FILIP1L: variants seen among roughly 807,000 people sequenced by gnomAD.
FILIP1L encodes the protein filamin A-interacting protein 1-like.
A neutral mutation model predicts 96.6 loss-of-function variants in FILIP1L; 55 were observed. The ratio of observed to expected loss-of-function variants is 0.57; its 90% CI spans 0.46 to 0.71. FILIP1L has a LOEUF of 0.71. Ranked by LOEUF, FILIP1L falls within the 30% of genes least tolerant of loss-of-function variation. The probability of loss-of-function intolerance (pLI) is 0.00; values close to 1 mark genes in which losing one functional copy is unlikely to be tolerated. For synonymous variants in FILIP1L, 467 were observed against 473.9 expected (o/e 0.99, Z 0.19); for missense variants, 1,304 against 1,321.2 (o/e 0.99, Z 0.20).
At chr3:100,021,118 T>A (rs907017804) in intron 1 of FILIP1L, among the ~76,000 whole-genome samples, 2 of 152,214 alleles carry the variant, frequency 1.3e-5, no homozygotes, top group Non-Finnish European at 2.9e-5. Flanking sequence ...GCCGGTCAAT[T>A]GCCTAAGACC....
chr3:100,051,419 A>G (rs933467357), intron 1 of FILIP1L: 2 of 151,804 alleles, frequency 1.3e-5, no homozygotes, highest in African/African-American at 2.4e-5. Context: ...GGTTAGTTAC[A>G]TATGTATACA....
chr3:100,071,051 A>C (rs1033816791), intron 1 of FILIP1L, among the ~76,000 whole-genome samples: 1 of 150,770 alleles, frequency 6.6e-6, no homozygotes, highest in Non-Finnish European at 1.5e-5. Context: ...TTTTTTTAAA[A>C]GAAAGGGGTT....
chr3:99,964,681 A>G (rs976815579), intron 1 of FILIP1L, among the ~76,000 whole-genome samples: 11 of 152,150 alleles, frequency 7.2e-5, no homozygotes, highest in African/African-American at 2.7e-4. Flanking sequence ...TATGGCTCAC[A>G]GAGAAGCTGG....
chr3:100,109,661 G>A (rs1392047556), intron 1 of FILIP1L, among the ~76,000 whole-genome samples: 1 of 151,936 alleles, frequency 6.6e-6, no homozygotes, highest in Non-Finnish European at 1.5e-5. Context: ...GTGTTTCATT[G>A]GTATTGCTGA....
intron 4 of FILIP1L, chr3:99,898,414 T>C (rs991524527): frequency 6.6e-6 from 1 of 152,230 alleles, no homozygotes; most frequent in Non-Finnish European, 1.5e-5. Context: ...ATAAAAATTA[T>C]GTTTTGTGGT....
chr3:99,913,204 C>G (rs1283533053), intron 4 of FILIP1L, among the ~76,000 whole-genome samples: 1 of 152,184 alleles, frequency 6.6e-6, no homozygotes, highest in Non-Finnish European at 1.5e-5. Flanking sequence ...TACAAGCCAC[C>G]CAATCTCTGG....
chr3:99,948,596 AAGAGAGGGGAGGGGAAGGGAGAGAGAG>A (rs1708082271), intron 1 of FILIP1L, among the ~76,000 whole-genome samples: 2 of 141,358 alleles, frequency 1.4e-5, no homozygotes, highest in African/African-American at 5.2e-5. Flanking sequence ...GGGAGAGAGA[AAGAGAGGGGAGGGGAAGGGAGAGAGAG>A]AGGAAGGAGG....
rs572318434 is a variant in FILIP1L, at chr3:100,096,063, T to C, written c.-11+17990A>G. Among the ~76,000 whole-genome samples, 4 of 152,220 alleles carry C rather than the reference T, an allele frequency of 2.6e-5. No individual in the cohort carries two copies. The South Asian group carries it at 8.3e-4, about 32-fold the overall frequency. On this transcript the variant is annotated intron_variant, in intron 1 of 5. Coordinates refer to ENST00000477258, the MANE Select transcript of FILIP1L (RefSeq NM_001387850.1). Reference sequence around the variant, plus strand: ...TCATCAGAAAACTGCACATCAAAACTGTAATGAGATATTATCTTACCCCAG... The same window carrying C: ...TCATCAGAAAACTGCACATCAAAACCGTAATGAGATATTATCTTACCCCAG...
intron 1 of FILIP1L, among the ~76,000 whole-genome samples, chr3:99,947,137 CAAAA>C (rs397829321): frequency 2.3e-5 from 2 of 88,824 alleles, no homozygotes; most frequent in African/African-American, 4.7e-5. Context: ...GACTCTGTCT[CAAAA>C]AAAAAAAAAA....
chr3:100,100,425 C>G (rs1390169672), intron 1 of FILIP1L, among the ~76,000 whole-genome samples: 4 of 152,168 alleles, frequency 2.6e-5, no homozygotes, highest in Admixed American at 1.3e-4. Context: ...TTACTATCAT[C>G]TGGATTTTAC....
intron 1 of FILIP1L, among the ~76,000 whole-genome samples, chr3:100,053,170 C>G (rs2065402451): frequency 6.6e-6 from 1 of 152,270 alleles, no homozygotes; most frequent in South Asian, 2.1e-4. Context: ...TTCACCATAG[C>G]AAGCCTTCTG....
intron 1 of FILIP1L, among the ~76,000 whole-genome samples, chr3:99,989,450 C>G (rs1209228952): frequency 6.6e-6 from 1 of 152,126 alleles, no homozygotes; most frequent in East Asian, 1.9e-4. Context: ...TTCTGGAGAC[C>G]CAAAACTACA....
At chr3:99,980,000 T>C (rs555774635) in intron 1 of FILIP1L, among the ~76,000 whole-genome samples, 2 of 151,922 alleles carry the variant, frequency 1.3e-5, no homozygotes, top group East Asian at 4.1e-4. Context: ...CTTTAAAAGA[T>C]GGACAGAAAT....
At chr3:99,889,387 T>C (rs1166951400) in intron 4 of FILIP1L, among the ~76,000 whole-genome samples, 4 of 152,120 alleles carry the variant, frequency 2.6e-5, no homozygotes, top group African/African-American at 9.6e-5. Flanking sequence ...TTAACATAGC[T>C]ATATAATCTT....
chr3:100,019,984 T>C (rs113443022), intron 1 of FILIP1L, among the ~76,000 whole-genome samples: 1,776 of 152,292 alleles, frequency 0.012, 22 homozygotes, highest in African/African-American at 0.026. Flanking sequence ...GTGTGTATTA[T>C]GTGCAATTTT....
chr3:99,941,549 G>A (rs1707851023), intron 1 of FILIP1L, among the ~76,000 whole-genome samples: 1 of 152,172 alleles, frequency 6.6e-6, no homozygotes, highest in Non-Finnish European at 1.5e-5. Context: ...GGTGTTCAAT[G>A]GTGAAAAGTG....
At position 100,085,233 on chromosome 3, in the gene FILIP1L, G is replaced by C. The variant is rs117884461; in HGVS notation, c.-11+28820C>G. Among the ~76,000 whole-genome samples, 134 of 152,282 alleles carry C rather than the reference G, an allele frequency of 8.8e-4. No homozygotes were observed. The East Asian group carries it at 0.022, about 25-fold the overall frequency. On this transcript the variant is annotated intron_variant, in intron 1 of 5. Transcript: ENST00000477258. ...AACCAACCTGAAGTTTGCCAGAAGA[G>C]AACATTAATATTTTAGAACAGCTTA...
chr3:99,978,397 T>C (rs1012530183), intron 1 of FILIP1L, among the ~76,000 whole-genome samples: 1 of 152,124 alleles, frequency 6.6e-6, no homozygotes, highest in African/African-American at 2.4e-5. Flanking sequence ...TGTTCATCAA[T>C]AGATGAATGG....
intron 4 of FILIP1L, among the ~76,000 whole-genome samples, chr3:99,912,076 A>G (rs1706807833): frequency 6.6e-6 from 1 of 152,208 alleles, no homozygotes; most frequent in African/African-American, 2.4e-5. Context: ...CTACATTATC[A>G]TCAATAGTTT....
Sources: gnomAD v4.1 joint callset for allele counts (sites outside exome capture counted in the v4.1 genomes callset) on GRCh38, gnomAD v4.1.1 for gene constraint, MANE v1.5 for transcripts, NCBI Gene and HGNC (gene_info 2026-07-23, HGNC 2026-07-21) for gene names.